Variants in MYBPH observed in about 807,000 individuals in gnomAD.
MYBPH encodes the protein myosin-binding protein H.
Under a neutral mutation model 53.6 loss-of-function variants are expected in MYBPH, and 49 were observed. That is an observed-to-expected ratio of 0.91 (90% CI 0.73 to 1.16). The LOEUF (loss-of-function observed/expected upper bound fraction) is 1.16, where lower values mean the gene tolerates loss of function less well. Among genes scored for constraint, MYBPH ranks in the 50% most tolerant of loss-of-function variants. MYBPH has a pLI of 0.00. For missense variants in MYBPH, 558 were observed against 624.1 expected (o/e 0.89, Z 1.13); for synonymous variants, 239 against 249.6 (o/e 0.96, Z 0.40).
At chr1:203,172,181 C>T in intron 3 of MYBPH, 141 bp from the exon 4 acceptor site, 1 of 450,352 alleles carries the variant, frequency 2.2e-6, no homozygotes, top group Non-Finnish European at 3.7e-6. Context: ...GGGGTCCCTC[C>T]TTGCAGGAAG....
At chr1:203,176,454 G>A (rs1250592697), upstream of MYBPH, among the ~76,000 whole-genome samples, 1 of 152,192 alleles carries the variant, frequency 6.6e-6, no homozygotes, top group Non-Finnish European at 1.5e-5. Context: ...TGGGCGGCTG[G>A]TAAGGAGCTC....
chr1:203,173,276 C>T (rs1314117760), intron 3 of MYBPH, among the ~76,000 whole-genome samples: 1 of 152,200 alleles, frequency 6.6e-6, no homozygotes, highest in Admixed American at 6.5e-5. Flanking sequence ...GCCTTCCTGG[C>T]ACCTCCAGGA....
At position 203,175,823 on chromosome 1, in the gene MYBPH, G is replaced by C; in HGVS notation, c.-68C>G. 1 of 1,525,382 alleles carries C rather than the reference G, an allele frequency of 6.6e-7. No homozygotes were observed. Among genetic ancestry groups the C allele is most frequent in the South Asian group, 1.1e-5 (1 of 88,984 alleles). 94.5% of individuals were successfully genotyped at this position (1,525,382 alleles called of 1,614,324 possible). On this transcript the variant is annotated 5_prime_UTR_variant, in exon 1 of 11. Transcript: ENST00000255416. ...AGCCGTTGGGGGGCCTGGGCCTCTA[G>C]GGTGCCTGGGACACCTAGGTCCAGG...
Position 203,172,973 on chromosome 1 carries a change from G to A in MYBPH, c.509-933C>T, listed in dbSNP as rs541277317. 1.8e-3 allele frequency among the ~76,000 whole-genome samples: 281 copies of A among 152,312 alleles called. 11 individuals carry two copies. In the South Asian group the frequency reaches 0.056, roughly 30 times the overall value. On this transcript the variant is annotated intron_variant, in intron 3 of 10. Coordinates refer to ENST00000255416, the MANE Select transcript of MYBPH (RefSeq NM_004997.3). ...ATGGAATGCTCTAGGGACAGCTGCA[G>A]GGGGTCAAGAATGCTTGGCAGCTCC...
In MYBPH at chr1:203,169,237, G is replaced by C. The variant is rs1296338742; in HGVS notation, c.1230+16C>G. ...GCCCCCACCAGCCCAGGGCACAACA[G>C]GGCCTGGCCCCTCACCTTGGGTGAA... On this transcript the variant is annotated intron_variant, in intron 8 of 10. Coordinates refer to ENST00000255416, the MANE Select transcript of MYBPH (RefSeq NM_004997.3). 1.3e-6 allele frequency: 2 copies of C among 1,595,098 alleles called. No homozygotes were observed. Among genetic ancestry groups the C allele is most frequent in the African/African-American group, 2.7e-5 (2 of 74,590 alleles).
rs1655693554 is a variant in MYBPH at position 203,171,420 on chromosome 1, G to A, written c.756C>T (p.Asp252=). 2 of 1,613,930 alleles carry A rather than the reference G, an allele frequency of 1.2e-6. No homozygotes were observed. The highest frequency in any genetic ancestry group is 1.7e-6 in the Non-Finnish European group (2 of 1,179,998). ...TGTCAATGACTGCCTTGGCCTCCAG[G>A]TCTTCCACGCGCACAGTGAGCTCGT... ...GRYELTVRVE[D]LEAKAVIDIL... Residue 252 remains aspartate, a synonymous_variant, in exon 5 of 11, where the codon GAC becomes GAT. Transcript: ENST00000255416. The surrounding 1 kb of genome is among the most constrained non-coding windows in gnomAD (Gnocchi z 4.2).
chr1:203,171,632 C>T lies in MYBPH; in HGVS notation c.598-54G>A. 1.3e-6 allele frequency: 2 copies of T among 1,511,412 alleles called. No homozygotes were observed. Among genetic ancestry groups the T allele is most frequent in the South Asian group, 1.2e-5 (1 of 81,032 alleles). 93.6% of individuals were successfully genotyped at this position (1,511,412 alleles called of 1,614,324 possible). The stretch of plus-strand genomic sequence containing the variant: ...GTAGGGAGGTGCCAGAGTCCCCACA[C>T]CTCCTTAACTCCAGGAGTCTCTGGA... On this transcript the variant is annotated intron_variant, in intron 4 of 10. Transcript: ENST00000255416. The surrounding 1 kb of genome is among the most constrained non-coding windows in gnomAD (Gnocchi z 4.2).
In MYBPH at chr1:203,170,274, T is replaced by C; in HGVS notation, c.1093+17A>G. On this transcript the variant is annotated intron_variant, in intron 7 of 10. Coordinates refer to ENST00000255416, the MANE Select transcript of MYBPH (RefSeq NM_004997.3). ...CAGGGAGAGAGTTAGCACAGCCAGC[T>C]CCGGGCCCAAACCCACCTGCCTTCT... The C allele has an allele frequency of 6.2e-7, 1 of 1,613,636 alleles. No individual in the cohort carries two copies. Among genetic ancestry groups the C allele is most frequent in the Non-Finnish European group, 8.5e-7 (1 of 1,179,798 alleles).
chr1:203,170,956 C>G, intron 6 of MYBPH, 105 bp downstream of exon 6: 1 of 1,454,686 alleles, frequency 6.9e-7, no homozygotes, highest in Non-Finnish European at 9.1e-7. Flanking sequence ...GTGGGCAGAC[C>G]AGAACTCGAT....
At position 203,171,322 on chromosome 1, in the gene MYBPH, G is replaced by A; in HGVS notation, c.793+61C>T. On this transcript the variant is annotated intron_variant, in intron 5 of 10. Coordinates refer to ENST00000255416, the MANE Select transcript of MYBPH (RefSeq NM_004997.3). This position sits in a 1 kb window ranked among gnomAD's most constrained non-coding sequence, Gnocchi z 4.2. ...CTGCTCCCATCAGCCATCAGCTCTG[G>A]GATAGGAGGTTGGGGGCTCCAGGTC... 7 of 1,574,302 alleles carry A rather than the reference G, an allele frequency of 4.4e-6. No homozygotes were observed. In the South Asian group the frequency reaches 7.1e-5, roughly 16 times the overall value.
rs757660370 is a variant in MYBPH, at chr1:203,175,538, C to T, written c.205+13G>A. ...GCCTGCCTCCCTCCTCCCCCTGCCC[C>T]ACCTTCAGTCACCTTCACTTGGGGG... On this transcript the variant is annotated intron_variant, in intron 1 of 10. Coordinates refer to ENST00000255416, the MANE Select transcript of MYBPH (RefSeq NM_004997.3). 2.7e-5 allele frequency: 43 copies of T among 1,613,350 alleles called. No homozygotes were observed. Among genetic ancestry groups the T allele is most frequent in the Non-Finnish European group, 3.4e-5 (40 of 1,179,598 alleles).
chr1:203,174,759 A>G (rs909852939), intron 2 of MYBPH, among the ~76,000 whole-genome samples, 162 bp from the exon 3 acceptor site: 2 of 152,148 alleles, frequency 1.3e-5, no homozygotes, highest in African/African-American at 4.8e-5. Context: ...ATGGCATCAA[A>G]GACACCTGAT....
Position 203,175,653 on chromosome 1 carries a change from C to A in MYBPH, c.103G>T (p.Val35Leu). 6.2e-7 allele frequency: 1 copy of A among 1,614,186 alleles called. No homozygotes were observed. Among genetic ancestry groups the A allele is most frequent in the South Asian group, 1.1e-5 (1 of 91,080 alleles). Residue 35 changes from valine to leucine, a missense_variant, in exon 1 of 11, where the codon GTA (valine) becomes TTA (leucine). Physicochemically the swap from Val to Leu is conservative, Grantham distance 32. Transcript: ENST00000255416. ...TGCTCTTCTCTGGTGGACTCTGATA[C>A]TGCCACTTCTCCGGGAGGCTCTGCT... The part of the protein sequence containing the change: ...PTAEPPGEVA[V>L]SESTREEQVP...
rs752842982 is a variant in MYBPH at position 203,175,400 on chromosome 1, C to T, written c.267G>A (p.Val89=). Residue 89 remains valine (V), a synonymous_variant, in exon 2 of 11, where the codon GTG becomes GTA. Transcript: ENST00000255416. ...CCAGCCTCTCTGGGGGCTCCCAGCT[C>T]ACAGTCACAGAGCTGCTGCTCACAT... ...LDDVSSSSVT[V]SWEPPERLGR... 8.4e-6 allele frequency: 13 copies of T among 1,542,112 alleles called. No homozygotes were observed. Among genetic ancestry groups the T allele is most frequent in the Non-Finnish European group, 1.1e-5 (13 of 1,145,924 alleles).
chr1:203,174,249 C>T (rs76851506), intron 3 of MYBPH, 181 bp downstream of exon 3: 10 of 938,838 alleles, frequency 1.1e-5, no homozygotes, highest in Middle Eastern at 5.5e-4. Context: ...TCCAGAGGCC[C>T]CTTACTGCTG....
rs1351443159 is a variant in MYBPH at position 203,172,017 on chromosome 1, G to A, written c.532C>T (p.Arg178Cys). 2.0e-5 allele frequency: 26 copies of A among 1,321,572 alleles called. No individual in the cohort carries two copies. The highest frequency in any genetic ancestry group is 5.6e-5 in the East Asian group (2 of 35,788). 81.9% of individuals were successfully genotyped at this position (1,321,572 alleles called of 1,614,324 possible). The stretch of plus-strand genomic sequence containing the variant: ...CGGATGTAGGTCTGACGGAGGTGGC[G>A]GGGGACACGGATCTTGGGGGCCTCT... ...NIEAPKIRVPRHLRQTYIRQV... is the reference protein window; with the variant it reads ...NIEAPKIRVPCHLRQTYIRQV... Residue 178 changes from arginine to cysteine, a missense_variant, in exon 4 of 11, where the codon CGC becomes TGC. Arg to Cys is a radical substitution (Grantham distance 180). Coordinates refer to ENST00000255416, the MANE Select transcript of MYBPH (RefSeq NM_004997.3).
rs746629805 is a variant in MYBPH, at chr1:203,169,017, C to T, written c.1306G>A (p.Val436Ile). ...GGTTTCCGGATCTCTAGGGTGCAGA[C>T]GCCTTGCTCAGAGAGGGCGCGGTAT... Reference protein sequence around the residue: ...PKYRALSEQGVCTLEIRKPSP... With the variant: ...PKYRALSEQGICTLEIRKPSP... The change falls in exon 9 of 11, where the codon GTC becomes ATC. Residue 436 changes from valine (V) to isoleucine (I), a missense_variant. Transcript: ENST00000255416. The T allele has an allele frequency of 2.0e-5, 33 of 1,613,710 alleles. No individual in the cohort carries two copies. The highest frequency in any genetic ancestry group is 1.1e-4 in the African/African-American group (8 of 75,024).
intron 10 of MYBPH, 26 bp downstream of exon 10, chr1:203,168,601 C>G (rs1342930560): frequency 4.5e-6 from 7 of 1,549,296 alleles, no homozygotes; most frequent in African/African-American, 2.7e-5. Context: ...ACAGAGGTAA[C>G]AGAGTGGGTG....
rs568318712 is a variant in MYBPH at position 203,170,582 on chromosome 1, C to A, written c.934-132G>T. ...GGATGCTGAACCATCCAGCTTTGGG[C>A]CTCAGGGACATTGAATTGGAAGAAG... On this transcript the variant is annotated intron_variant, in intron 6 of 10. Transcript: ENST00000255416. The A allele has an allele frequency of 3.3e-6, 4 of 1,210,716 alleles. No individual in the cohort carries two copies. In the South Asian group the frequency reaches 6.5e-5, roughly 20 times the overall value. 75.0% of individuals were successfully genotyped at this position (1,210,716 alleles called of 1,614,324 possible). A position where few individuals can be genotyped will look rare whatever the true frequency, so the allele number is the denominator to read the frequency against.
Sources: allele counts gnomAD v4.1 joint callset (sites outside exome capture counted in the v4.1 genomes callset), GRCh38; gene constraint gnomAD v4.1.1; non-coding constraint Gnocchi (gnomAD v3.1); transcripts MANE v1.5; gene names NCBI Gene and HGNC (gene_info 2026-07-23, HGNC 2026-07-21).